The following FAF1 variants were observed in gnomAD, a reference collection of about 807,000 sequenced individuals.
FAF1 encodes the protein FAS-associated factor 1.
In FAF1, 25 loss-of-function variants were observed where a neutral mutation model predicts 92.5. That is an observed-to-expected ratio of 0.27 (90% CI 0.20 to 0.38). FAF1 has a LOEUF of 0.38. FAF1 is among the 10% of genes least tolerant of loss of function. The probability of loss-of-function intolerance (pLI) is 1.00; values close to 1 mark genes in which losing one functional copy is unlikely to be tolerated. For synonymous variants in FAF1, 234 were observed against 273.2 expected (o/e 0.86, Z 1.42); for missense variants, 636 against 793.3 (o/e 0.80, Z 2.38).
chr1:50,758,945 C>T (rs941138848), intron 4 of FAF1, among the ~76,000 whole-genome samples: 2 of 151,928 alleles, frequency 1.3e-5, no homozygotes, highest in African/African-American at 4.8e-5. Flanking sequence ...TAGGTTCACA[C>T]CATTCTCCTG....
intron 17 of FAF1, among the ~76,000 whole-genome samples, chr1:50,483,350 G>A (rs1376070756): frequency 2.0e-5 from 3 of 152,026 alleles, no homozygotes; most frequent in Non-Finnish European, 2.9e-5. Context: ...ATTGATTCAT[G>A]GGTCCATTTT....
At chr1:50,913,224 G>A (rs1644898233) in intron 1 of FAF1, among the ~76,000 whole-genome samples, 1 of 152,180 alleles carries the variant, frequency 6.6e-6, no homozygotes, top group Non-Finnish European at 1.5e-5. Context: ...AACTGCCTGG[G>A]ACACAGTAGA....
intron 8 of FAF1, among the ~76,000 whole-genome samples, chr1:50,643,702 C>T (rs1022761715): frequency 3.3e-5 from 5 of 152,218 alleles, no homozygotes; most frequent in Non-Finnish European, 7.3e-5. Context: ...AAGCAATTCT[C>T]CTGCCTCAGT....
At chr1:50,567,981 T>C (rs544460732) in intron 12 of FAF1, among the ~76,000 whole-genome samples, 8 of 152,230 alleles carry the variant, frequency 5.3e-5, no homozygotes, top group South Asian at 2.1e-4. Context: ...TCTTCTGTCA[T>C]AGTTGGATAC....
chr1:50,547,546 C>G (rs1043713216), intron 13 of FAF1, among the ~76,000 whole-genome samples: 1 of 152,008 alleles, frequency 6.6e-6, no homozygotes, highest in Admixed American at 6.5e-5. Context: ...TCCTGAGTAG[C>G]TGGGATTACA....
intron 6 of FAF1, among the ~76,000 whole-genome samples, chr1:50,724,899 T>C (rs939875158): frequency 6.6e-6 from 1 of 152,172 alleles, no homozygotes; most frequent in Non-Finnish European, 1.5e-5. Context: ...CAAATGTGAC[T>C]AGGTTAGTAA....
intron 6 of FAF1, among the ~76,000 whole-genome samples, chr1:50,714,161 T>C (rs866977018): frequency 3.9e-5 from 6 of 152,040 alleles, no homozygotes; most frequent in Non-Finnish European, 7.4e-5. Context: ...TCTTCACTGG[T>C]ATAAATATTT....
intron 8 of FAF1, among the ~76,000 whole-genome samples, chr1:50,627,553 G>A (rs147378879): frequency 6.6e-6 from 1 of 151,838 alleles, no homozygotes; most frequent in African/African-American, 2.4e-5. Flanking sequence ...TCTCATAAAC[G>A]GAAGGTTGGA....
At chr1:50,612,002 A>T (rs2124139621) in intron 8 of FAF1, among the ~76,000 whole-genome samples, 1 of 152,348 alleles carries the variant, frequency 6.6e-6, no homozygotes, top group East Asian at 1.9e-4. Flanking sequence ...GTTTGTAGAA[A>T]ATCACACATA....
At chr1:50,592,442 C>T (rs1023836994) in intron 9 of FAF1, among the ~76,000 whole-genome samples, 8 of 151,734 alleles carry the variant, frequency 5.3e-5, no homozygotes, top group East Asian at 3.9e-4. Context: ...AATCATTAAA[C>T]GGGGGCTCAG....
chr1:50,493,060 T>A (rs1320631924), intron 15 of FAF1, among the ~76,000 whole-genome samples: 1 of 138,020 alleles, frequency 7.2e-6, no homozygotes, highest in Admixed American at 7.5e-5. Context: ...TGAGGGGGAG[T>A]CTTGCTCTGT....
intron 13 of FAF1, among the ~76,000 whole-genome samples, chr1:50,548,846 G>A (rs1053879903): frequency 5.3e-5 from 8 of 152,312 alleles, no homozygotes; most frequent in East Asian, 1.9e-4. Flanking sequence ...CTATGGAGTC[G>A]AACAAATCTG....
intron 12 of FAF1, among the ~76,000 whole-genome samples, chr1:50,575,370 T>C (rs1650677385): frequency 6.6e-6 from 1 of 152,212 alleles, no homozygotes; most frequent in Admixed American, 6.5e-5. Flanking sequence ...TTAGTAGAAA[T>C]ATCTAATTAC....
At chr1:50,820,060 T>G (rs749501641) in intron 2 of FAF1, among the ~76,000 whole-genome samples, 23 of 151,728 alleles carry the variant, frequency 1.5e-4, no homozygotes, top group Non-Finnish European at 2.4e-4. Context: ...CCATGCCTTT[T>G]TATATGAGGT....
intron 1 of FAF1, among the ~76,000 whole-genome samples, chr1:50,859,735 C>G (rs1557562440): frequency 6.6e-6 from 1 of 151,696 alleles, no homozygotes; most frequent in Non-Finnish European, 1.5e-5. Flanking sequence ...TTATTTGTCA[C>G]AAACTAGAAA....
chr1:50,693,057 GT>G (rs1321853152), intron 7 of FAF1, among the ~76,000 whole-genome samples: 8 of 152,244 alleles, frequency 5.3e-5, no homozygotes, highest in Non-Finnish European at 8.8e-5. Context: ...AGGCACTAAA[GT>G]TTTTAATTTT....
intron 1 of FAF1, among the ~76,000 whole-genome samples, chr1:50,925,028 G>C (rs1557591387): frequency 6.6e-6 from 1 of 152,128 alleles, no homozygotes; most frequent in Non-Finnish European, 1.5e-5. Context: ...CAACAGAACA[G>C]AGAACCTTGA....
At chr1:50,798,353 C>T (rs1205502354) in intron 3 of FAF1, among the ~76,000 whole-genome samples, 1 of 152,152 alleles carries the variant, frequency 6.6e-6, no homozygotes, top group Non-Finnish European at 1.5e-5. Flanking sequence ...TAAATACCAT[C>T]CACTTAGTGA....
intron 6 of FAF1, among the ~76,000 whole-genome samples, chr1:50,729,335 G>A (rs1658822621): frequency 1.3e-5 from 2 of 151,718 alleles, no homozygotes; most frequent in African/African-American, 4.8e-5. Flanking sequence ...GATTACAGGT[G>A]TGAGCCACCA....
Sources: gnomAD v4.1 joint callset for allele counts (sites outside exome capture counted in the v4.1 genomes callset) on GRCh38, gnomAD v4.1.1 for gene constraint, MANE v1.5 for transcripts, NCBI Gene and HGNC (gene_info 2026-07-23, HGNC 2026-07-21) for gene names.